TMEM255B: variants seen among roughly 807,000 people sequenced by gnomAD.
TMEM255B encodes the protein family with sequence similarity 70, member B.
In TMEM255B, 35 loss-of-function variants were observed where a neutral mutation model predicts 34.5. The ratio of observed to expected loss-of-function variants is 1.01; its 90% CI spans 0.77 to 1.34. TMEM255B has a LOEUF of 1.34. Ranked by LOEUF, TMEM255B falls within the 40% of genes most tolerant of loss-of-function variation. The probability of loss-of-function intolerance (pLI) is 0.00; values close to 1 mark genes in which losing one functional copy is unlikely to be tolerated. For missense variants in TMEM255B, 432 were observed against 433.2 expected (o/e 1.00, Z 0.02); for synonymous variants, 206 against 201.2 (o/e 1.02, Z -0.20).
At chr13:113,793,188 G>C (rs1386505922) in intron 3 of TMEM255B, among the ~76,000 whole-genome samples, 1 of 152,218 alleles carries the variant, frequency 6.6e-6, no homozygotes, top group East Asian at 1.9e-4. Context: ...GCTGCCCTTG[G>C]GTCTGGTGGC....
chr13:113,801,055 C>T, intron 6 of TMEM255B, 143 bp downstream of exon 6: 2 of 790,296 alleles, frequency 2.5e-6, no homozygotes, highest in Non-Finnish European at 4.1e-6. Flanking sequence ...GCTGGGAACC[C>T]CCGTATGTGC....
At position 113,803,541 on chromosome 13, in the gene TMEM255B, C is replaced by T. The variant is rs370143408; in HGVS notation, c.670-1344C>T. ...CCTCCGCGTGTGACTCCGTGGCCCC[C>T]GTGTTCTCTGCTTTCTGTGCACTCG... is the stretch of plus-strand genomic sequence containing the variant. On this transcript the variant is annotated intron_variant, in intron 7 of 8. Transcript: ENST00000375353. Among the ~76,000 whole-genome samples, 315 of 148,064 alleles carry T rather than the reference C, an allele frequency of 2.1e-3. 25 individuals are homozygous for T. In the South Asian group the frequency reaches 0.055, roughly 26 times the overall value.
intron 3 of TMEM255B, among the ~76,000 whole-genome samples, chr13:113,793,942 C>G (rs1394832413): frequency 6.6e-6 from 1 of 152,254 alleles, no homozygotes; most frequent in Non-Finnish European, 1.5e-5. Context: ...CCCCCGCCTT[C>G]TGCTGCTGTG....
At chr13:113,799,477 C>G (rs186855778) in intron 5 of TMEM255B, 58 bp downstream of exon 5, 3 of 1,548,416 alleles carry the variant, frequency 1.9e-6, no homozygotes, top group Non-Finnish European at 2.7e-6. Flanking sequence ...GCCGACCCCA[C>G]GCGGTTTTCC....
intron 3 of TMEM255B, among the ~76,000 whole-genome samples, chr13:113,777,549 G>T (rs2050599545): frequency 6.6e-6 from 1 of 152,236 alleles, no homozygotes; most frequent in Non-Finnish European, 1.5e-5. Context: ...CCCCAGCGCT[G>T]TGCTGACTCT....
At chr13:113,799,253 T>C in intron 4 of TMEM255B, 86 bp from the exon 5 acceptor site, 1 of 1,346,004 alleles carries the variant, frequency 7.4e-7, no homozygotes, top group Non-Finnish European at 1.0e-6. Context: ...GCCCTGAGCC[T>C]GAGACCCACA....
chr13:113,774,780 T>C (rs558094136), intron 3 of TMEM255B, among the ~76,000 whole-genome samples: 1,424 of 113,502 alleles, frequency 0.013, 20 homozygotes, highest in African/African-American at 0.047. Flanking sequence ...CAACACACAA[T>C]ACACAATACA....
At position 113,806,824 on chromosome 13, in the gene TMEM255B, TAGA is replaced by T. The variant is rs2051180871; in HGVS notation, c.813+1799_813+1801del. 8.9e-6 allele frequency among the ~76,000 whole-genome samples: 1 copy of T among 112,552 alleles called. No individual in the cohort carries two copies. The highest frequency in any genetic ancestry group is 2.1e-5 in the Non-Finnish European group (1 of 48,574). 73.8% of individuals were successfully genotyped at this position (112,552 alleles called of 152,430 possible). ...GCCCAGAACTGGAGGCCCGCAGGGG[TAGA>T]AGGAGGAGGCCCGCAGGGGCAGAGG... is the stretch of plus-strand genomic sequence containing the variant. On this transcript the variant is annotated intron_variant, in intron 8 of 8. Transcript: ENST00000375353. The surrounding 1 kb of genome is among the most constrained non-coding windows in gnomAD (Gnocchi z 4.2).
intron 7 of TMEM255B, among the ~76,000 whole-genome samples, chr13:113,803,740 C>G (rs1157501874): frequency 1.3e-5 from 2 of 152,210 alleles, no homozygotes; most frequent in Non-Finnish European, 2.9e-5. Context: ...GGCAGAAGCA[C>G]GGCCTCCTGC....
Position 113,813,095 on chromosome 13 carries a change from G to T in TMEM255B, c.*1192G>T, listed in dbSNP as rs1390482935. On this transcript the variant is annotated 3_prime_UTR_variant, in exon 9 of 9. Transcript: ENST00000375353. ...CAAAGTAGCCGAAGTCTCTTGAAAAGTGTTGGATGTGGGGAGAGGCTTTCT... is the reference window on the plus strand; with the variant it reads ...CAAAGTAGCCGAAGTCTCTTGAAAATTGTTGGATGTGGGGAGAGGCTTTCT... The T allele has an allele frequency of 6.6e-6, 1 of 150,720 alleles. No individual in the cohort carries two copies. Among genetic ancestry groups the T allele is most frequent in the South Asian group, 2.1e-4 (1 of 4,752 alleles). 9.3% of individuals were successfully genotyped at this position (150,720 alleles called of 1,614,324 possible). A position where few individuals can be genotyped will look rare whatever the true frequency, so the allele number is the denominator to read the frequency against.
At chr13:113,764,134 C>T (rs866766193) in intron 1 of TMEM255B, among the ~76,000 whole-genome samples, 2 of 151,600 alleles carry the variant, frequency 1.3e-5, no homozygotes, top group African/African-American at 2.4e-5. Flanking sequence ...TGGGCCGGGG[C>T]GTGGGCGTGG....
chr13:113,810,423 T>G lies in TMEM255B; in HGVS notation c.814-1313T>G, dbSNP rs570326589. ...TGTATCAATTTAAAATCTGTGCCGT[T>G]CTTCGCTTTTCTGGTCTCAGAATTA... On this transcript the variant is annotated intron_variant, in intron 8 of 8. Transcript: ENST00000375353. Among the ~76,000 whole-genome samples the G allele has an allele frequency of 1.2e-4, 19 of 152,348 alleles. No individual in the cohort carries two copies. In the East Asian group the frequency reaches 3.5e-3, roughly 28 times the overall value.
At chr13:113,810,862 G>T (rs755465751) in intron 8 of TMEM255B, among the ~76,000 whole-genome samples, 2 of 152,228 alleles carry the variant, frequency 1.3e-5, no homozygotes, top group African/African-American at 2.4e-5. Flanking sequence ...GCTGCTGGAC[G>T]TGTGGACGTG....
In TMEM255B at chr13:113,785,364, C is replaced by A. The variant is rs192962856; in HGVS notation, c.253-9784C>A. On this transcript the variant is annotated intron_variant, in intron 3 of 8. Transcript: ENST00000375353. ...TTCTAATACCATGACAGAGGTTGCC[C>A]TCCAGGCAAAACACTGCAGGGCAGA... 2.6e-5 allele frequency among the ~76,000 whole-genome samples: 4 copies of A among 152,208 alleles called. No individual in the cohort carries two copies. In the East Asian group the frequency reaches 7.7e-4, roughly 29 times the overall value.
chr13:113,766,411 A>G (rs761589657), intron 2 of TMEM255B, 154 bp downstream of exon 2: 4 of 1,078,872 alleles, frequency 3.7e-6, no homozygotes, highest in African/African-American at 3.1e-5. Context: ...CCCCACAGAC[A>G]TGCACTTCCC....
intron 3 of TMEM255B, among the ~76,000 whole-genome samples, chr13:113,777,092 C>T (rs1438198174): frequency 3.9e-5 from 6 of 151,948 alleles, no homozygotes; most frequent in Non-Finnish European, 8.8e-5. Flanking sequence ...TGGCTGTGTC[C>T]AAATATCTGC....
At chr13:113,789,759 C>T (rs552639841) in intron 3 of TMEM255B, among the ~76,000 whole-genome samples, 25 of 151,846 alleles carry the variant, frequency 1.6e-4, no homozygotes, top group Admixed American at 6.6e-4. Flanking sequence ...CTGGACTGAC[C>T]GGGCATGTGG....
At chr13:113,800,344 G>GTT (rs1555367613) in intron 5 of TMEM255B, among the ~76,000 whole-genome samples, 1 of 95,286 alleles carries the variant, frequency 1.0e-5, no homozygotes, top group Non-Finnish European at 2.2e-5. Context: ...TGTGTGTGTT[G>GTT]GGGGGTGTCC....
chr13:113,783,614 G>A (rs544705934), intron 3 of TMEM255B, among the ~76,000 whole-genome samples: 2 of 152,296 alleles, frequency 1.3e-5, no homozygotes, highest in South Asian at 2.1e-4. Context: ...GGCCATGAAC[G>A]CAAGCAGTGC....
Sources: allele counts gnomAD v4.1 joint callset (sites outside exome capture counted in the v4.1 genomes callset), GRCh38; gene constraint gnomAD v4.1.1; non-coding constraint Gnocchi (gnomAD v3.1); transcripts MANE v1.5; gene names NCBI Gene and HGNC (gene_info 2026-07-23, HGNC 2026-07-21).